The following PIAS2 variants were observed in gnomAD, a reference collection of about 807,000 sequenced individuals.
PIAS2 encodes the protein protein inhibitor of activated STAT 2.
PIAS2 carries 19 observed loss-of-function variants against 69.7 expected under a neutral mutation model. The observed-to-expected ratio is 0.27, with a 90% CI of 0.19 to 0.40. PIAS2 has a LOEUF of 0.40. Among genes scored for constraint, PIAS2 ranks in the 10% least tolerant of loss-of-function variants. PIAS2 has a pLI of 1.00. For missense variants in PIAS2, 624 were observed against 757.0 expected (o/e 0.82, Z 2.06); for synonymous variants, 261 against 263.2 (o/e 0.99, Z 0.08).
At chr18:46,862,485 G>C (rs2048809715) in intron 3 of PIAS2, among the ~76,000 whole-genome samples, 1 of 151,982 alleles carries the variant, frequency 6.6e-6, no homozygotes, top group South Asian at 2.1e-4. Context: ...TCAATTCCTT[G>C]CTCTGCTTTT....
At chr18:46,891,375 A>G (rs561980657) in intron 1 of PIAS2, 1 of 335,012 alleles carries the variant, frequency 3.0e-6, no homozygotes, top group Non-Finnish European at 5.6e-6. Context: ...TATAAAATCT[A>G]TCACCAATGA....
Position 46,898,865 on chromosome 18 carries a change from G to C in PIAS2, c.25-7811C>G, listed in dbSNP as rs548173825. Reference sequence around the variant, plus strand: ...AAATATTAGCCGGGCGTGATGGGAGGGTGCCTGTAATCCCAGCTACTTGGG... The same window carrying C: ...AAATATTAGCCGGGCGTGATGGGAGCGTGCCTGTAATCCCAGCTACTTGGG... On this transcript the variant is annotated intron_variant, in intron 1 of 13. Transcript: ENST00000585916. 3.7e-3 allele frequency among the ~76,000 whole-genome samples: 556 copies of C among 151,778 alleles called. 4 individuals carry two copies. The highest frequency in any genetic ancestry group is 0.013 in the African/African-American group (526 of 41,384).
intron 12 of PIAS2, 65 bp downstream of exon 12, chr18:46,820,868 C>G (rs2042094189): frequency 6.7e-7 from 1 of 1,486,452 alleles, no homozygotes; most frequent in African/African-American, 1.4e-5. Context: ...ACTGGCTTCA[C>G]AGATTAAGAT....
chr18:46,864,111 A>G, intron 3 of PIAS2, 53 bp downstream of exon 3: 4 of 1,050,188 alleles, frequency 3.8e-6, no homozygotes, highest in Non-Finnish European at 5.7e-6. Flanking sequence ...TGGCAGCCCT[A>G]CAGGTGAATA....
chr18:46,817,348 TA>T (rs2041667603), intron 12 of PIAS2: 1 of 974,902 alleles, frequency 1.0e-6, no homozygotes, highest in Non-Finnish European at 1.2e-6. Flanking sequence ...GAATTTCAAT[TA>T]AAATACGCAA....
intron 11 of PIAS2, among the ~76,000 whole-genome samples, chr18:46,821,830 A>G (rs2042212950): frequency 6.6e-6 from 1 of 152,234 alleles, no homozygotes; most frequent in Admixed American, 6.5e-5. Context: ...CTGTATATAC[A>G]CTATAGAATT....
chr18:46,892,755 T>C (rs1036616852), intron 1 of PIAS2, among the ~76,000 whole-genome samples: 1 of 152,142 alleles, frequency 6.6e-6, no homozygotes, highest in Non-Finnish European at 1.5e-5. Flanking sequence ...GCCTAGGCAA[T>C]ATTAAGACTG....
chr18:46,849,755 A>G (rs2046689058), intron 5 of PIAS2, among the ~76,000 whole-genome samples: 1 of 152,210 alleles, frequency 6.6e-6, no homozygotes, highest in Non-Finnish European at 1.5e-5. Context: ...AACATACACA[A>G]GAAAGGAACA....
intron 13 of PIAS2, among the ~76,000 whole-genome samples, chr18:46,814,063 T>A (rs898122656): frequency 6.6e-6 from 1 of 152,178 alleles, no homozygotes; most frequent in Non-Finnish European, 1.5e-5. Context: ...TACTCATTCA[T>A]GAAAGTTGTG....
At chr18:46,879,865 A>G (rs2051902309) in intron 2 of PIAS2, among the ~76,000 whole-genome samples, 1 of 152,216 alleles carries the variant, frequency 6.6e-6, no homozygotes. Flanking sequence ...GATTCTACTT[A>G]TATGAGAAAT....
At chr18:46,879,411 T>C (rs1194427963) in intron 2 of PIAS2, among the ~76,000 whole-genome samples, 3 of 152,048 alleles carry the variant, frequency 2.0e-5, no homozygotes, top group Non-Finnish European at 4.4e-5. Flanking sequence ...TAATAGTAAG[T>C]GCAGATGAGG....
At chr18:46,860,444 ATTCCACAG>A (rs999622926) in intron 3 of PIAS2, among the ~76,000 whole-genome samples, 5 of 152,232 alleles carry the variant, frequency 3.3e-5, no homozygotes, top group African/African-American at 9.6e-5. Flanking sequence ...GAACTGATCA[ATTCCACAG>A]TTGCAGCAGA....
intron 5 of PIAS2, among the ~76,000 whole-genome samples, chr18:46,851,869 T>TCCAGGACACAGACAAATGCC (rs1568516089): frequency 1.3e-5 from 2 of 151,974 alleles, no homozygotes; most frequent in Non-Finnish European, 2.9e-5. Context: ...TAAGGACTTC[T>TCCAGGACACAGACAAATGCC]TCCAGGACAC....
At chr18:46,887,585 T>C (rs942088448) in intron 2 of PIAS2, among the ~76,000 whole-genome samples, 2 of 152,200 alleles carry the variant, frequency 1.3e-5, no homozygotes, top group African/African-American at 2.4e-5. Flanking sequence ...CAAAAATTTG[T>C]TAGTCACATT....
intron 12 of PIAS2, 39 bp from the exon 13 acceptor site, chr18:46,815,388 T>C (rs752707095): frequency 6.2e-7 from 1 of 1,608,238 alleles, no homozygotes; most frequent in African/African-American, 1.3e-5. Flanking sequence ...GTCTCATATT[T>C]TGGGAGACCA....
Position 46,812,608 on chromosome 18 carries a change from C to T in PIAS2, c.1691G>A (p.Cys564Tyr). 1 of 1,606,808 alleles carries T rather than the reference C, an allele frequency of 6.2e-7. No individual in the cohort carries two copies. The highest frequency in any genetic ancestry group is 8.5e-7 in the Non-Finnish European group (1 of 1,174,382). ...LSLIPVDPQY[C>Y]PPMFLDSLTS... ...GAGACTATCCAAAAACATAGGAGGA[C>T]AGTACTGCTTGAAACAAACAATGAT... Residue 564 changes from cysteine to tyrosine, a missense_variant, in exon 14 of 14, where the codon TGT becomes TAT. By Grantham distance (194) the Cys-to-Tyr change is radical. Coordinates refer to ENST00000585916, the MANE Select transcript of PIAS2 (RefSeq NM_004671.5).
chr18:46,862,133 C>T (rs1306294257), intron 3 of PIAS2, among the ~76,000 whole-genome samples: 1 of 152,160 alleles, frequency 6.6e-6, no homozygotes, highest in East Asian at 1.9e-4. Flanking sequence ...GAGTTCAAGA[C>T]AACCCTGGCC....
At chr18:46,887,452 A>G (rs1031445237) in intron 2 of PIAS2, among the ~76,000 whole-genome samples, 2 of 152,238 alleles carry the variant, frequency 1.3e-5, no homozygotes, top group African/African-American at 2.4e-5. Context: ...TTTTCCCAAG[A>G]AAGAAAAGAA....
Position 46,811,486 on chromosome 18 carries a change from C to T in PIAS2, c.*947G>A, listed in dbSNP as rs1219814046. 1.3e-5 allele frequency: 2 copies of T among 152,046 alleles called. No homozygotes were observed. The highest frequency in any genetic ancestry group is 1.5e-5 in the Non-Finnish European group (1 of 68,022). 9.4% of individuals were successfully genotyped at this position (152,046 alleles called of 1,614,324 possible). A position where few individuals can be genotyped will look rare whatever the true frequency, so the allele number is the denominator to read the frequency against. On this transcript the variant is annotated 3_prime_UTR_variant, in exon 14 of 14. Coordinates refer to ENST00000585916, the MANE Select transcript of PIAS2 (RefSeq NM_004671.5). ...AGAAATTAAATTTTGTTATTACCAC[C>T]TCCCAAAATCTGCTCTTCTGCTGGC...
Sources: gnomAD v4.1 joint callset for allele counts (sites outside exome capture counted in the v4.1 genomes callset) on GRCh38, gnomAD v4.1.1 for gene constraint, MANE v1.5 for transcripts, NCBI Gene and HGNC (gene_info 2026-07-23, HGNC 2026-07-21) for gene names.